The following SLC8A1 variants were observed in gnomAD, a reference collection of about 807,000 sequenced individuals.
SLC8A1 encodes sodium/calcium exchanger 1.
SLC8A1 carries 18 observed loss-of-function variants against 68.3 expected under a neutral mutation model. That is an observed-to-expected ratio of 0.26 (90% CI 0.18 to 0.39). SLC8A1 has a LOEUF of 0.39. SLC8A1 is among the 10% of genes least tolerant of loss of function. The pLI, the probability that SLC8A1 is intolerant of heterozygous loss-of-function variation, is 1.00. For missense variants in SLC8A1, 985 were observed against 1,156.7 expected (o/e 0.85, Z 2.15); for synonymous variants, 475 against 415.5 (o/e 1.14, Z -1.74).
At chr2:40,314,380 T>C (rs1226282771) in intron 2 of SLC8A1, among the ~76,000 whole-genome samples, 3 of 152,024 alleles carry the variant, frequency 2.0e-5, no homozygotes, top group Admixed American at 2.0e-4. Flanking sequence ...TTTATGCCAC[T>C]ACCACACTAG....
At chr2:40,341,542 T>G (rs533417981) in intron 2 of SLC8A1, among the ~76,000 whole-genome samples, 3 of 152,350 alleles carry the variant, frequency 2.0e-5, no homozygotes, top group South Asian at 4.1e-4. Flanking sequence ...GCCTATCTTC[T>G]ATGCATTAAG....
At chr2:40,110,950 G>C (rs541434668) in exon 8 of SLC8A1, 1 of 152,246 alleles carries the variant, frequency 6.6e-6, no homozygotes, top group South Asian at 2.1e-4. Context: ...GACAGTTTAG[G>C]ATCAGGGACC....
chr2:40,122,802 C>A (rs1424043144), intron 7 of SLC8A1, among the ~76,000 whole-genome samples: 1 of 152,074 alleles, frequency 6.6e-6, no homozygotes, highest in Non-Finnish European at 1.5e-5. Flanking sequence ...TTTAGAGTAA[C>A]CATTTTTGTT....
intron 2 of SLC8A1, among the ~76,000 whole-genome samples, chr2:40,223,451 C>A (rs1261609987): frequency 6.6e-6 from 1 of 151,926 alleles, no homozygotes; most frequent in Non-Finnish European, 1.5e-5. Context: ...ACCGTCATGG[C>A]ACGTGTATTC....
At chr2:40,422,667 G>A (rs951868673) in intron 2 of SLC8A1, among the ~76,000 whole-genome samples, 1 of 152,108 alleles carries the variant, frequency 6.6e-6, no homozygotes, top group Non-Finnish European at 1.5e-5. Flanking sequence ...CTCAAAAGCT[G>A]CTCAATATCC....
rs145603197 is a variant in SLC8A1, at chr2:40,306,178, A to C, written c.1808+122295T>G. 3.6e-3 allele frequency among the ~76,000 whole-genome samples: 551 copies of C among 152,366 alleles called. 2 individuals are homozygous for C. Among genetic ancestry groups the C allele is most frequent in the African/African-American group, 0.012 (518 of 41,586 alleles). ...GGGGAACCCAAATAAGAGGAAAACCAGTGAGCATCCACATTTATGAAATGG... is the reference window on the plus strand; with the variant it reads ...GGGGAACCCAAATAAGAGGAAAACCCGTGAGCATCCACATTTATGAAATGG... On this transcript the variant is annotated intron_variant, in intron 2 of 7. Coordinates refer to ENST00000406785, the Ensembl canonical transcript of SLC8A1.
intron 2 of SLC8A1, among the ~76,000 whole-genome samples, chr2:40,316,906 C>T (rs2074530316): frequency 6.6e-6 from 1 of 151,900 alleles, no homozygotes; most frequent in African/African-American, 2.4e-5. Flanking sequence ...AGTCCCTCTC[C>T]CTGTCTTACC....
intron 1 of SLC8A1, among the ~76,000 whole-genome samples, chr2:40,440,064 G>A (rs1317161732): frequency 6.6e-6 from 1 of 152,096 alleles, no homozygotes; most frequent in African/African-American, 2.4e-5. Context: ...CAAAGGGAGT[G>A]TTGGTGACAT....
chr2:40,367,887 A>T (rs1331215063), intron 2 of SLC8A1, among the ~76,000 whole-genome samples: 1 of 152,070 alleles, frequency 6.6e-6, no homozygotes, highest in Non-Finnish European at 1.5e-5. Flanking sequence ...GTTCACAAAA[A>T]CTGGTAGCAT....
chr2:40,440,918 G>A (rs1393497659), intron 1 of SLC8A1, among the ~76,000 whole-genome samples: 1 of 152,138 alleles, frequency 6.6e-6, no homozygotes, highest in Non-Finnish European at 1.5e-5. Context: ...TGTATTGGAA[G>A]TTCTGGCCAG....
At chr2:40,422,094 C>T (rs1695668597) in intron 2 of SLC8A1, among the ~76,000 whole-genome samples, 1 of 152,074 alleles carries the variant, frequency 6.6e-6, no homozygotes, top group South Asian at 2.1e-4. Flanking sequence ...CGGGCTCACC[C>T]AAGGCAGTTA....
At chr2:40,147,076 A>G (rs746121638) in intron 6 of SLC8A1, among the ~76,000 whole-genome samples, 16 of 152,212 alleles carry the variant, frequency 1.1e-4, no homozygotes, top group Non-Finnish European at 2.4e-4. Context: ...TAGCACAAGA[A>G]ATATTTAACG....
At chr2:40,437,212 C>A (rs1699598786) in intron 1 of SLC8A1, among the ~76,000 whole-genome samples, 1 of 152,112 alleles carries the variant, frequency 6.6e-6, no homozygotes, top group Non-Finnish European at 1.5e-5. Flanking sequence ...ATTTTATTTT[C>A]ACGACAATAA....
At chr2:40,123,296 A>C (rs900508515) in intron 7 of SLC8A1, 6 of 152,256 alleles carry the variant, frequency 3.9e-5, no homozygotes, top group Non-Finnish European at 8.8e-5. Flanking sequence ...GATCGTTTGA[A>C]AGAAAATAAA....
intron 2 of SLC8A1, among the ~76,000 whole-genome samples, chr2:40,239,612 C>G (rs995706637): frequency 6.6e-5 from 10 of 152,244 alleles, no homozygotes; most frequent in African/African-American, 1.7e-4. Flanking sequence ...GAAATACAGC[C>G]CTCTCTGCTG....
intron 1 of SLC8A1, among the ~76,000 whole-genome samples, chr2:40,499,186 A>T (rs1705896192): frequency 6.7e-6 from 1 of 149,966 alleles, no homozygotes; most frequent in Non-Finnish European, 1.5e-5. Context: ...CAAAAAGAAG[A>T]TACTTTTTTC....
At chr2:40,487,258 T>C (rs182208489) in intron 1 of SLC8A1, among the ~76,000 whole-genome samples, 1 of 152,180 alleles carries the variant, frequency 6.6e-6, no homozygotes, top group East Asian at 1.9e-4. Flanking sequence ...GATGTAGAAA[T>C]CCATACTTTG....
chr2:40,145,853 C>T (rs929825391), intron 6 of SLC8A1, among the ~76,000 whole-genome samples: 6 of 152,146 alleles, frequency 3.9e-5, no homozygotes, highest in African/African-American at 1.4e-4. Flanking sequence ...CTTTCTTTTC[C>T]CTTTTACATG....
intron 2 of SLC8A1, among the ~76,000 whole-genome samples, chr2:40,236,053 G>A (rs2060321726): frequency 6.6e-6 from 1 of 151,950 alleles, no homozygotes; most frequent in African/African-American, 2.4e-5. Context: ...GTGTGGTGTG[G>A]TGCTGAAAAA....
Sources: allele counts gnomAD v4.1 joint callset (sites outside exome capture counted in the v4.1 genomes callset), GRCh38; gene constraint gnomAD v4.1.1; transcripts MANE v1.5; gene names NCBI Gene and HGNC (gene_info 2026-07-23, HGNC 2026-07-21).